RSPH14: variants seen among roughly 807,000 people sequenced by gnomAD.
RSPH14 encodes rhabdoid tumor deletion region gene 1.
In RSPH14, 20 loss-of-function variants were observed where a neutral mutation model predicts 26.7. The observed-to-expected ratio is 0.75, with a 90% CI of 0.53 to 1.09. The LOEUF is 1.09. Among genes scored for constraint, RSPH14 ranks in the 50% least tolerant of loss-of-function variants. The pLI is 0.00. For synonymous variants in RSPH14, 177 were observed against 189.3 expected, an observed-to-expected ratio of 0.93 and a Z score of 0.53; for missense variants, 449 against 457.2, an observed-to-expected ratio of 0.98 and a Z score of 0.16.
upstream of RSPH14, chr22:23,146,521 T>C: frequency 6.5e-7 from 1 of 1,539,926 alleles, no homozygotes; most frequent in South Asian, 1.2e-5. Flanking sequence ...CTGGATCTGA[T>C]GAAAAGTTAG....
chr22:23,103,358 G>A (rs368132048), intron 4 of RSPH14, among the ~76,000 whole-genome samples: 73 of 152,282 alleles, frequency 4.8e-4, no homozygotes, highest in African/African-American at 1.6e-3. Flanking sequence ...CAAGCATGGC[G>A]GGGAGAGTCT....
At chr22:23,145,767 A>C (rs1345331661), upstream of RSPH14, among the ~76,000 whole-genome samples, 2 of 152,226 alleles carry the variant, frequency 1.3e-5, no homozygotes, top group Admixed American at 6.5e-5. Context: ...CAGATGCGGG[A>C]AGACAACCGG....
At chr22:23,160,729 G>C in the RSPH14 span, 1 of 1,083,810 alleles carries the variant, frequency 9.2e-7, no homozygotes, top group Non-Finnish European at 1.3e-6. Context: ...GGGTGGGGCT[G>C]TGCCCTCCTG....
At chr22:23,084,084 C>G (rs1388305808) in intron 4 of RSPH14, among the ~76,000 whole-genome samples, 2 of 152,102 alleles carry the variant, frequency 1.3e-5, no homozygotes, top group Non-Finnish European at 2.9e-5. Flanking sequence ...GAGGGCAGTT[C>G]CTGGGAGGGT....
At chr22:23,126,605 C>T (rs562538843) in intron 4 of RSPH14, among the ~76,000 whole-genome samples, 6 of 152,344 alleles carry the variant, frequency 3.9e-5, no homozygotes, top group Admixed American at 3.9e-4. Context: ...CCAAACAATG[C>T]CCCATGGAGA....
At chr22:23,146,810 C>T, upstream of RSPH14, 1 of 1,419,918 alleles carries the variant, frequency 7.0e-7, no homozygotes, top group Non-Finnish European at 9.2e-7. Context: ...TCAGATTTAC[C>T]TTGAGGAGCT....
chr22:23,117,010 T>G (rs1482837335), intron 4 of RSPH14, among the ~76,000 whole-genome samples: 1 of 152,168 alleles, frequency 6.6e-6, no homozygotes, highest in Admixed American at 6.5e-5. Flanking sequence ...TGCGCGCACC[T>G]GCTGGGGGAT....
chr22:23,101,483 A>G (rs921625419), intron 4 of RSPH14, among the ~76,000 whole-genome samples: 6 of 151,630 alleles, frequency 4.0e-5, no homozygotes, highest in African/African-American at 1.5e-4. Flanking sequence ...GAAGGTTGAC[A>G]CTCCCCTCGT....
the RSPH14 span, among the ~76,000 whole-genome samples, chr22:23,178,821 G>A: frequency 4.7e-4 from 71 of 152,298 alleles, no homozygotes; most frequent in African/African-American, 1.7e-3. Flanking sequence ...ATTTTGTACC[G>A]TGGCCCACAG....
rs190255034 is a variant in RSPH14, at chr22:23,114,228, C to T, written c.421+19798G>A. Reference sequence around the variant, plus strand: ...AGCGCATTCATGTCTACAACCCCGCCCCACAGCTCTGCTCTCGGCGTGAAA... The same window carrying T: ...AGCGCATTCATGTCTACAACCCCGCTCCACAGCTCTGCTCTCGGCGTGAAA... On this transcript the variant is annotated intron_variant, in intron 4 of 6. Transcript: ENST00000216036. 9.2e-5 allele frequency among the ~76,000 whole-genome samples: 14 copies of T among 152,316 alleles called. No individual in the cohort carries two copies. In the East Asian group the frequency reaches 2.5e-3, roughly 27 times the overall value.
At position 23,067,592 on chromosome 22, in the gene RSPH14, G is replaced by A. The variant is rs139780623; in HGVS notation, c.422-3459C>T. Reference sequence around the variant, plus strand: ...GTGCTTCTCTGTCCTCAGCTTTCTCGGCTTCCAGGTAGCTGGGAGCATGGT... The same window carrying A: ...GTGCTTCTCTGTCCTCAGCTTTCTCAGCTTCCAGGTAGCTGGGAGCATGGT... On this transcript the variant is annotated intron_variant, in intron 4 of 6. Coordinates refer to ENST00000216036, the MANE Select transcript of RSPH14 (RefSeq NM_014433.3). Among the ~76,000 whole-genome samples, 411 of 152,290 alleles carry A rather than the reference G, an allele frequency of 2.7e-3. 2 individuals carry two copies. Among genetic ancestry groups the A allele is most frequent in the African/African-American group, 9.5e-3 (395 of 41,562 alleles).
chr22:23,099,172 C>T (rs1320791077), intron 4 of RSPH14, among the ~76,000 whole-genome samples: 2 of 152,250 alleles, frequency 1.3e-5, no homozygotes, highest in East Asian at 1.9e-4. Flanking sequence ...CTGGCTTCTG[C>T]GTCAGCACGT....
At chr22:23,062,995 G>A (rs1002136052) in intron 5 of RSPH14, among the ~76,000 whole-genome samples, 2 of 152,214 alleles carry the variant, frequency 1.3e-5, no homozygotes, top group African/African-American at 4.8e-5. Context: ...TCCCCTCGGG[G>A]ATGACACACA....
the RSPH14 span, chr22:23,162,745 TTG>T: frequency 2.2e-6 from 1 of 456,260 alleles, no homozygotes; most frequent in Non-Finnish European, 4.4e-6. Context: ...GGCGAGCACC[TTG>T]CAGGCAGCCT....
the RSPH14 span, among the ~76,000 whole-genome samples, chr22:23,170,824 CATAT>C: frequency 5.8e-3 from 874 of 150,392 alleles, 3 homozygotes; most frequent in African/African-American, 0.017. Context: ...GTTAGAATTT[CATAT>C]ATATATATAT....
chr22:23,123,719 T>C, intron 4 of RSPH14: 1 of 428,962 alleles, frequency 2.3e-6, no homozygotes. Context: ...ACAAGGTCAC[T>C]ACAAGCCCAA....
chr22:23,174,136 GA>G, the RSPH14 span, among the ~76,000 whole-genome samples: 2 of 152,072 alleles, frequency 1.3e-5, no homozygotes. Flanking sequence ...CCAGTAAAGG[GA>G]AAGGGTGGCC....
Position 23,088,084 on chromosome 22 carries a change from A to G in RSPH14, c.422-23951T>C, listed in dbSNP as rs929696847. 2.6e-5 allele frequency among the ~76,000 whole-genome samples: 4 copies of G among 152,228 alleles called. No individual in the cohort carries two copies. In the East Asian group the frequency reaches 7.7e-4, roughly 29 times the overall value. On this transcript the variant is annotated intron_variant, in intron 4 of 6. Transcript: ENST00000216036. ...CTACACCCAGGAATGAACAAGGACAACTTGGAAGTTAGAAGCAAGATGGAG... is the reference window on the plus strand; with the variant it reads ...CTACACCCAGGAATGAACAAGGACAGCTTGGAAGTTAGAAGCAAGATGGAG...
At chr22:23,097,894 G>A (rs951710796) in intron 4 of RSPH14, among the ~76,000 whole-genome samples, 37 of 152,244 alleles carry the variant, frequency 2.4e-4, no homozygotes, top group African/African-American at 7.5e-4. Context: ...AGTGGCAGGC[G>A]TGGCAAATTC....
Sources: allele counts gnomAD v4.1 joint callset (sites outside exome capture counted in the v4.1 genomes callset), GRCh38; gene constraint gnomAD v4.1.1; transcripts MANE v1.5; gene names NCBI Gene and HGNC (gene_info 2026-07-23, HGNC 2026-07-21).